LUZP2: variants seen among roughly 807,000 people sequenced by gnomAD.
LUZP2 encodes the protein leucine zipper protein 2.
A neutral mutation model predicts 51.6 loss-of-function variants in LUZP2; 52 were observed. The ratio of observed to expected loss-of-function variants is 1.01; its 90% CI spans 0.81 to 1.27. LUZP2 has a LOEUF of 1.27. Among genes scored for constraint, LUZP2 ranks in the 50% most tolerant of loss-of-function variants. The pLI, the probability that LUZP2 is intolerant of heterozygous loss-of-function variation, is 0.00. For missense variants in LUZP2, 436 were observed against 395.4 expected, an observed-to-expected ratio of 1.10 and a Z score of -0.87; for synonymous variants, 154 against 137.3, an observed-to-expected ratio of 1.12 and a Z score of -0.85.
Position 25,002,433 on chromosome 11 carries a change from A to G in LUZP2, c.765+19140A>G, listed in dbSNP as rs148824949. Among the ~76,000 whole-genome samples, 623 of 152,268 alleles carry G rather than the reference A, an allele frequency of 4.1e-3. 4 individuals carry two copies. The highest frequency in any genetic ancestry group is 6.1e-3 in the Non-Finnish European group (413 of 68,028). On this transcript the variant is annotated intron_variant, in intron 9 of 11. Transcript: ENST00000336930. ...AAAGTGGCAGGGTTGAGGGCCATTGACATATGTATTTGAAGCACCGGTCCC... is the reference window on the plus strand; with the variant it reads ...AAAGTGGCAGGGTTGAGGGCCATTGGCATATGTATTTGAAGCACCGGTCCC...
chr11:24,676,030 G>A (rs1456382117), intron 1 of LUZP2, among the ~76,000 whole-genome samples: 2 of 151,876 alleles, frequency 1.3e-5, no homozygotes, highest in Non-Finnish European at 2.9e-5. Context: ...TGTTGGTCAG[G>A]CTAGTCTCGA....
chr11:24,711,314 G>A (rs1274483013), intron 1 of LUZP2, among the ~76,000 whole-genome samples: 1 of 152,042 alleles, frequency 6.6e-6, no homozygotes, highest in Non-Finnish European at 1.5e-5. Flanking sequence ...GCCGGGTGTG[G>A]CGGCGGGTGC....
intron 9 of LUZP2, among the ~76,000 whole-genome samples, chr11:25,005,674 G>C (rs769664036): frequency 1.8e-4 from 27 of 152,216 alleles, no homozygotes; most frequent in Middle Eastern, 6.8e-3. Flanking sequence ...CCTGCTGATT[G>C]GAATAGTTGT....
At chr11:24,537,132 C>T (rs74788347) in intron 1 of LUZP2, among the ~76,000 whole-genome samples, 71 of 151,852 alleles carry the variant, frequency 4.7e-4, no homozygotes, top group African/African-American at 1.6e-3. Context: ...CTACAGATCA[C>T]TATAATGGAA....
intron 1 of LUZP2, among the ~76,000 whole-genome samples, chr11:24,638,479 T>C (rs1260325935): frequency 6.6e-6 from 1 of 151,494 alleles, no homozygotes; most frequent in African/African-American, 2.4e-5. Context: ...AGGGAAAAAA[T>C]TGTTTGACAA....
chr11:25,010,181 C>T (rs1358339916), intron 9 of LUZP2, among the ~76,000 whole-genome samples: 2 of 152,106 alleles, frequency 1.3e-5, no homozygotes, highest in African/African-American at 4.8e-5. Context: ...CAAGCATATG[C>T]TGCTATTTCC....
intron 1 of LUZP2, among the ~76,000 whole-genome samples, chr11:24,728,402 T>C (rs1220788110): frequency 6.6e-6 from 1 of 152,024 alleles, no homozygotes; most frequent in Non-Finnish European, 1.5e-5. Flanking sequence ...CAAGTTTGCC[T>C]GCCTCCCCTG....
At chr11:24,801,912 A>G (rs561943317) in intron 5 of LUZP2, among the ~76,000 whole-genome samples, 1 of 150,398 alleles carries the variant, frequency 6.6e-6, no homozygotes, top group East Asian at 1.9e-4. Context: ...AATATCCCCA[A>G]TTTTTTTTTA....
intron 9 of LUZP2, among the ~76,000 whole-genome samples, chr11:25,027,273 T>C (rs538473111): frequency 1.1e-4 from 17 of 152,270 alleles, no homozygotes; most frequent in Admixed American, 6.5e-4. Context: ...CTTAGTACAG[T>C]GATATTTATC....
chr11:24,757,150 C>A lies in LUZP2; in HGVS notation c.334-6096C>A, dbSNP rs186154775. 3.9e-4 allele frequency among the ~76,000 whole-genome samples: 60 copies of A among 152,230 alleles called. 1 individual carries two copies. The highest frequency in any genetic ancestry group is 3.1e-3 in the South Asian group (15 of 4,816). On this transcript the variant is annotated intron_variant, in intron 4 of 11. Coordinates refer to ENST00000336930, the MANE Select transcript of LUZP2 (RefSeq NM_001009909.4). Reference sequence around the variant, plus strand: ...TTTGTGTGTATATCATGAAGCTCTACAATTGATAATTTTAAACTATTAGTA... The same window carrying A: ...TTTGTGTGTATATCATGAAGCTCTAAAATTGATAATTTTAAACTATTAGTA...
chr11:24,823,024 C>A (rs930747564), intron 5 of LUZP2, among the ~76,000 whole-genome samples: 4 of 152,022 alleles, frequency 2.6e-5, no homozygotes, highest in African/African-American at 9.7e-5. Context: ...ATATCAGGAA[C>A]TATTATGGAG....
intron 5 of LUZP2, among the ~76,000 whole-genome samples, chr11:24,854,996 A>T (rs188003310): frequency 7.6e-4 from 115 of 152,196 alleles, no homozygotes; most frequent in South Asian, 2.3e-3. Context: ...TGAGCTGGGT[A>T]CCTCAGTTGG....
chr11:25,059,917 T>G (rs1858787922), intron 10 of LUZP2, among the ~76,000 whole-genome samples: 1 of 152,236 alleles, frequency 6.6e-6, no homozygotes, highest in African/African-American at 2.4e-5. Context: ...AAATTTTGAC[T>G]GAAGGAAGGG....
chr11:24,916,483 C>T (rs371333550), intron 7 of LUZP2, among the ~76,000 whole-genome samples: 48 of 151,982 alleles, frequency 3.2e-4, no homozygotes, highest in Non-Finnish European at 2.9e-5. Context: ...ATCCCTCCCC[C>T]CTCCTGCCAC....
chr11:24,567,816 T>C (rs1189370515), intron 1 of LUZP2, among the ~76,000 whole-genome samples: 1 of 152,146 alleles, frequency 6.6e-6, no homozygotes, highest in Non-Finnish European at 1.5e-5. Flanking sequence ...CTAGCAGATC[T>C]GCCTGAAAAA....
intron 5 of LUZP2, among the ~76,000 whole-genome samples, chr11:24,855,223 A>T (rs764363734): frequency 7.2e-5 from 11 of 152,022 alleles, no homozygotes; most frequent in Non-Finnish European, 1.6e-4. Flanking sequence ...GACCTAGAAA[A>T]CTCTAGAGAC....
chr11:24,866,051 C>A (rs932775636), intron 5 of LUZP2, among the ~76,000 whole-genome samples: 2 of 151,204 alleles, frequency 1.3e-5, no homozygotes, highest in African/African-American at 4.9e-5. Context: ...TCGAGTGATC[C>A]GTTCACCTCA....
At chr11:24,904,300 TCAGA>T (rs1266428928) in intron 5 of LUZP2, among the ~76,000 whole-genome samples, 2 of 152,184 alleles carry the variant, frequency 1.3e-5, no homozygotes, top group Non-Finnish European at 2.9e-5. Context: ...ATTTTTTTTT[TCAGA>T]CAGAGTCTTG....
At chr11:24,765,393 G>A (rs529791755) in intron 5 of LUZP2, among the ~76,000 whole-genome samples, 3 of 152,200 alleles carry the variant, frequency 2.0e-5, no homozygotes, top group South Asian at 4.1e-4. Flanking sequence ...TTTGAGTGAG[G>A]GAATTAGGGA....
Sources: gnomAD v4.1 joint callset for allele counts (sites outside exome capture counted in the v4.1 genomes callset) on GRCh38, gnomAD v4.1.1 for gene constraint, MANE v1.5 for transcripts, NCBI Gene and HGNC (gene_info 2026-07-23, HGNC 2026-07-21) for gene names.